The following CA10 variants were observed in gnomAD, a reference collection of about 807,000 sequenced individuals.
CA10 encodes the protein carbonic anhydrase 10 (inactive).
A neutral mutation model predicts 44.2 loss-of-function variants in CA10; 14 were observed. The observed-to-expected ratio is 0.32, with a 90% CI of 0.21 to 0.50. The LOEUF (loss-of-function observed/expected upper bound fraction) is 0.50, where lower values mean the gene tolerates loss of function less well. Ranked by LOEUF, CA10 falls within the 20% of genes least tolerant of loss-of-function variation. The pLI is 0.99. For missense variants in CA10, 350 were observed against 409.7 expected (o/e 0.85, Z 1.26); for synonymous variants, 159 against 141.6 (o/e 1.12, Z -0.87).
At chr17:52,064,595 A>C (rs1343960503) in intron 2 of CA10, among the ~76,000 whole-genome samples, 2 of 151,720 alleles carry the variant, frequency 1.3e-5, no homozygotes, top group Non-Finnish European at 2.9e-5. Context: ...GGACATTTTG[A>C]TAAACAATTA....
chr17:51,658,700 A>G (rs1293427328), intron 4 of CA10, among the ~76,000 whole-genome samples: 5 of 152,156 alleles, frequency 3.3e-5, no homozygotes, highest in African/African-American at 9.7e-5. Flanking sequence ...TCCAAACACA[A>G]TAGGAAGTCA....
intron 2 of CA10, among the ~76,000 whole-genome samples, chr17:52,040,144 T>TA: frequency 1.7e-5 from 2 of 115,478 alleles, no homozygotes; most frequent in African/African-American, 7.9e-5. Flanking sequence ...TTCTTTTTTT[T>TA]CTTTTTTTTT....
intron 3 of CA10, among the ~76,000 whole-genome samples, chr17:51,885,578 T>C (rs1980562185): frequency 6.6e-6 from 1 of 152,236 alleles, no homozygotes; most frequent in African/African-American, 2.4e-5. Flanking sequence ...ACCTTCCATA[T>C]GAACAGTTAA....
intron 2 of CA10, among the ~76,000 whole-genome samples, chr17:52,068,764 C>T (rs1987601363): frequency 6.6e-6 from 1 of 152,200 alleles, no homozygotes; most frequent in Admixed American, 6.5e-5. Flanking sequence ...ATTTTGCCAT[C>T]TTAGTGTGTC....
chr17:51,849,367 G>A (rs1250037461), intron 3 of CA10, among the ~76,000 whole-genome samples: 1 of 150,652 alleles, frequency 6.6e-6, no homozygotes, highest in African/African-American at 2.4e-5. Flanking sequence ...TTAATAAAAT[G>A]TTTGTTGAAT....
chr17:52,070,549 A>C (rs968985058), intron 2 of CA10: 1 of 152,248 alleles, frequency 6.6e-6, no homozygotes, highest in African/African-American at 2.4e-5. Flanking sequence ...CACAGAACCC[A>C]GACTCAAGTC....
intron 3 of CA10, among the ~76,000 whole-genome samples, chr17:51,779,706 C>T (rs1905969795): frequency 5.9e-5 from 9 of 152,190 alleles, no homozygotes; most frequent in Admixed American, 5.9e-4. Context: ...ACCACTGCAG[C>T]TGTTTGTGAA....
At chr17:52,054,459 C>T (rs1238717314) in intron 2 of CA10, among the ~76,000 whole-genome samples, 1 of 152,102 alleles carries the variant, frequency 6.6e-6, no homozygotes, top group African/African-American at 2.4e-5. Context: ...TAATTTCGCC[C>T]TGGTCCTGTG....
intron 1 of CA10, among the ~76,000 whole-genome samples, chr17:52,129,765 T>C: frequency 6.6e-6 from 1 of 152,316 alleles, no homozygotes; most frequent in East Asian, 1.9e-4. Flanking sequence ...CAACTGCATA[T>C]AGTTCAACTA....
Position 51,888,737 on chromosome 17 carries a change from T to C in CA10, c.279+42253A>G, listed in dbSNP as rs542140791. On this transcript the variant is annotated intron_variant, in intron 3 of 8. Transcript: ENST00000451037. The stretch of plus-strand genomic sequence containing the variant: ...GATAATGCTTTGCCACTGAGATTTG[T>C]GGAAACTGGAGAGAAAAATAATCTT... Among the ~76,000 whole-genome samples, 9 of 152,344 alleles carry C rather than the reference T, an allele frequency of 5.9e-5. No homozygotes were observed. The South Asian group carries it at 1.7e-3, about 28-fold the overall frequency.
intron 1 of CA10, among the ~76,000 whole-genome samples, chr17:52,100,444 A>T (rs573211649): frequency 7.4e-4 from 112 of 152,150 alleles, no homozygotes; most frequent in African/African-American, 2.2e-3. Flanking sequence ...GGACTCTCAA[A>T]AAAAACAGAC....
chr17:51,842,618 T>A (rs2143807337), intron 3 of CA10, among the ~76,000 whole-genome samples: 1 of 152,330 alleles, frequency 6.6e-6, no homozygotes, highest in African/African-American at 2.4e-5. Flanking sequence ...TTGTAAAAGA[T>A]AAGGCATCGT....
At chr17:51,899,143 A>G in intron 3 of CA10, among the ~76,000 whole-genome samples, 1 of 151,880 alleles carries the variant, frequency 6.6e-6, no homozygotes. Flanking sequence ...TAGGTTGTTA[A>G]TTTGAGACCT....
intron 3 of CA10, among the ~76,000 whole-genome samples, chr17:51,920,167 G>C (rs1331556174): frequency 2.0e-5 from 3 of 152,066 alleles, no homozygotes; most frequent in Non-Finnish European, 4.4e-5. Flanking sequence ...TCTCATTTAA[G>C]TACCGTCACT....
chr17:52,119,767 T>C (rs1486471975), intron 1 of CA10, among the ~76,000 whole-genome samples: 1 of 152,228 alleles, frequency 6.6e-6, no homozygotes, highest in African/African-American at 2.4e-5. Context: ...TGATTTCTTT[T>C]TGACAAGAAT....
intron 3 of CA10, among the ~76,000 whole-genome samples, chr17:51,877,523 A>G (rs1980131792): frequency 6.6e-6 from 1 of 152,062 alleles, no homozygotes; most frequent in African/African-American, 2.4e-5. Context: ...CACAGCTTTT[A>G]CTCTCTGTAA....
intron 2 of CA10, among the ~76,000 whole-genome samples, chr17:51,961,656 G>C (rs1444574131): frequency 6.6e-6 from 1 of 152,098 alleles, no homozygotes; most frequent in African/African-American, 2.4e-5. Flanking sequence ...ATGATATTAA[G>C]AGAAAATTAT....
intron 3 of CA10, among the ~76,000 whole-genome samples, chr17:51,905,437 G>T (rs1981504374): frequency 6.6e-6 from 1 of 151,330 alleles, no homozygotes; most frequent in African/African-American, 2.4e-5. Context: ...AGGCATAGAA[G>T]TGCCACATGC....
rs111706115 is a variant in CA10, at chr17:51,933,460, C to T, written c.137-2328G>A. The stretch of plus-strand genomic sequence containing the variant: ...GGTGGCCTCTAGAAGCTGGAAGAGG[C>T]AAGACAATGGATTCTCCACCTAGAG... On this transcript the variant is annotated intron_variant, in intron 2 of 8. Coordinates refer to ENST00000451037, the MANE Select transcript of CA10 (RefSeq NM_020178.5). Among the ~76,000 whole-genome samples, 457 of 152,068 alleles carry T rather than the reference C, an allele frequency of 3.0e-3. 1 individual carries two copies. Among genetic ancestry groups the T allele is most frequent in the African/African-American group, 0.011 (441 of 41,480 alleles).
Sources: allele counts gnomAD v4.1 joint callset (sites outside exome capture counted in the v4.1 genomes callset), GRCh38; gene constraint gnomAD v4.1.1; transcripts MANE v1.5; gene names NCBI Gene and HGNC (gene_info 2026-07-23, HGNC 2026-07-21).